Variants in LARGE1 observed in about 807,000 individuals in gnomAD.
The protein encoded by LARGE1 is xylosyl- and glucuronyltransferase LARGE1.
LARGE1 carries 43 observed loss-of-function variants against 87.6 expected under a neutral mutation model. That is an observed-to-expected ratio of 0.49 (90% CI 0.38 to 0.63). LARGE1 has a LOEUF of 0.63. LARGE1 is among the 30% of genes least tolerant of loss of function. LARGE1 has a pLI of 0.00. For missense variants in LARGE1, 802 were observed against 1,000.2 expected, an observed-to-expected ratio of 0.80 and a Z score of 2.67; for synonymous variants, 434 against 394.6, an observed-to-expected ratio of 1.10 and a Z score of -1.18.
intron 7 of LARGE1, among the ~76,000 whole-genome samples, chr22:33,422,853 G>T (rs56260841): frequency 6.6e-6 from 1 of 152,060 alleles, no homozygotes; most frequent in African/African-American, 2.4e-5. Context: ...CCATTCATGA[G>T]AAATCCACCC....
chr22:33,781,951 A>G (rs1164346321), intron 1 of LARGE1, among the ~76,000 whole-genome samples: 1 of 152,146 alleles, frequency 6.6e-6, no homozygotes, highest in Admixed American at 6.6e-5. Context: ...ATATACATAT[A>G]TATATATACA....
At chr22:33,104,881 C>G in the LARGE1 span, among the ~76,000 whole-genome samples, 1 of 61,992 alleles carries the variant, frequency 1.6e-5, no homozygotes, top group African/African-American at 3.7e-5. Flanking sequence ...CTTCAATAGA[C>G]TTTCTCTCTC....
At chr22:33,311,053 C>T (rs374734722) in intron 11 of LARGE1, among the ~76,000 whole-genome samples, 56 of 152,016 alleles carry the variant, frequency 3.7e-4, no homozygotes, top group African/African-American at 1.3e-3. Context: ...CTCCGCCTCC[C>T]GGGTTCACAC....
intron 5 of LARGE1, among the ~76,000 whole-genome samples, chr22:33,604,003 T>C (rs1278823732): frequency 6.6e-6 from 1 of 152,230 alleles, no homozygotes; most frequent in Admixed American, 6.5e-5. Context: ...CCTTTTCTAC[T>C]GATGAGAAAA....
At chr22:33,628,681 G>A (rs1465112771) in intron 3 of LARGE1, among the ~76,000 whole-genome samples, 1 of 152,124 alleles carries the variant, frequency 6.6e-6, no homozygotes. Flanking sequence ...CTGTGCCCCA[G>A]GCCCTCCGTC....
chr22:33,900,978 CAG>C (rs879867399), intron 1 of LARGE1, among the ~76,000 whole-genome samples: 4 of 152,102 alleles, frequency 2.6e-5, no homozygotes, highest in African/African-American at 4.8e-5. Context: ...ACCCGGGAGA[CAG>C]AGGTTGCAGT....
chr22:33,675,834 TAG>T (rs887859151), intron 2 of LARGE1, among the ~76,000 whole-genome samples: 2 of 149,986 alleles, frequency 1.3e-5, no homozygotes, highest in African/African-American at 5.1e-5. Flanking sequence ...CACTCCAATT[TAG>T]AGGACAGCAT....
At chr22:33,643,554 A>C (rs934989560) in intron 3 of LARGE1, among the ~76,000 whole-genome samples, 1 of 152,126 alleles carries the variant, frequency 6.6e-6, no homozygotes, top group Non-Finnish European at 1.5e-5. Context: ...AAATGGAAAA[A>C]CATTCCATGC....
intron 6 of LARGE1, among the ~76,000 whole-genome samples, chr22:33,488,190 T>A (rs1007608035): frequency 1.3e-5 from 2 of 152,218 alleles, no homozygotes; most frequent in African/African-American, 4.8e-5. Flanking sequence ...AATTTAAATT[T>A]AAATAATTAA....
intron 14 of LARGE1, among the ~76,000 whole-genome samples, chr22:33,276,491 T>C (rs1929323510): frequency 6.6e-6 from 1 of 152,128 alleles, no homozygotes; most frequent in Non-Finnish European, 1.5e-5. Context: ...TTACAGAAAA[T>C]GTGTGCTGAT....
rs186188110 is a variant in LARGE1 at position 33,679,529 on chromosome 22, C to G, written c.107-28861G>C. ...GTGAAGACTTGGAGTCATGCTGCCA[C>G]AAGCCAAAGAACTATCAGAAGTTAG... On this transcript the variant is annotated intron_variant, in intron 2 of 14. Coordinates refer to ENST00000397394, the MANE Select transcript of LARGE1 (RefSeq NM_133642.5). Among the ~76,000 whole-genome samples the G allele has an allele frequency of 8.4e-4, 128 of 152,160 alleles. 3 individuals carry two copies. In the East Asian group the frequency reaches 0.023, roughly 27 times the overall value.
At chr22:33,352,207 G>A (rs1940455758) in intron 9 of LARGE1, among the ~76,000 whole-genome samples, 1 of 152,150 alleles carries the variant, frequency 6.6e-6, no homozygotes, top group South Asian at 2.1e-4. Context: ...TATCCCCTCA[G>A]TCTAATCGTG....
chr22:33,256,671 G>A (rs948678624), intron 11 of LARGE1, among the ~76,000 whole-genome samples: 1 of 152,156 alleles, frequency 6.6e-6, no homozygotes, highest in African/African-American at 2.4e-5. Flanking sequence ...TCAGCACCAA[G>A]TAGGTACCAG....
intron 6 of LARGE1, among the ~76,000 whole-genome samples, chr22:33,466,666 T>C (rs759422838): frequency 6.8e-6 from 1 of 147,442 alleles, no homozygotes; most frequent in Non-Finnish European, 1.5e-5. Context: ...TAATGAGCCC[T>C]GGCCTCATTC....
chr22:33,171,694 G>C (rs1465809240), intron 11 of LARGE1, among the ~76,000 whole-genome samples: 1 of 152,224 alleles, frequency 6.6e-6, no homozygotes, highest in African/African-American at 2.4e-5. Flanking sequence ...GATAAGAGCT[G>C]AGGTTTGGGA....
Position 33,274,557 on chromosome 22 carries a change from A to C in LARGE1, c.2141T>G (p.Ile714Ser), listed in dbSNP as rs1422046607. Residue 714 changes from isoleucine to serine, a missense_variant, in exon 15 of 15, where the codon ATT (isoleucine) becomes AGT (serine). Ile to Ser is a moderately radical substitution (Grantham distance 142, BLOSUM62 -2). This residue lies in a region of LARGE1 where 625 missense variants were observed against 841.9 expected (regional missense o/e 0.74). Transcript: ENST00000397394. ...TTGCTTGTTGGAACGGAACTTGGTA[A>C]TGTCGAAGCTGGGGGCATGAGGCAT... ...IHMPHAPSFDITKFRSNKQYR... is the reference protein window; with the variant it reads ...IHMPHAPSFDSTKFRSNKQYR... 6.2e-7 allele frequency: 1 copy of C among 1,614,158 alleles called. No homozygotes were observed. Among genetic ancestry groups the C allele is most frequent in the Non-Finnish European group, 8.5e-7 (1 of 1,180,020 alleles).
At chr22:33,501,768 A>C (rs968507678) in intron 6 of LARGE1, among the ~76,000 whole-genome samples, 2 of 152,170 alleles carry the variant, frequency 1.3e-5, no homozygotes, top group Non-Finnish European at 2.9e-5. Context: ...GCCCAAAGCA[A>C]GTGATTTTCA....
At chr22:33,839,845 T>C (rs144665964) in intron 1 of LARGE1, among the ~76,000 whole-genome samples, 562 of 152,346 alleles carry the variant, frequency 3.7e-3, no homozygotes, top group African/African-American at 0.012. Flanking sequence ...CTTTCATGCA[T>C]GCCTACTACA....
At chr22:33,867,241 G>C (rs903971007) in intron 1 of LARGE1, among the ~76,000 whole-genome samples, 1 of 152,212 alleles carries the variant, frequency 6.6e-6, no homozygotes, top group African/African-American at 2.4e-5. Flanking sequence ...TCTGTAAACA[G>C]TGTTATGTAT....
Sources: allele counts gnomAD v4.1 joint callset (sites outside exome capture counted in the v4.1 genomes callset), GRCh38; gene constraint gnomAD v4.1.1; regional missense constraint gnomAD v4.1.1; transcripts MANE v1.5; gene names NCBI Gene and HGNC (gene_info 2026-07-23, HGNC 2026-07-21).